USH2A: variants seen among roughly 807,000 people sequenced by gnomAD.
USH2A encodes usherin.
A neutral mutation model predicts 538.9 loss-of-function variants in USH2A; 443 were observed. That is an observed-to-expected ratio of 0.82 (90% CI 0.76 to 0.89). The LOEUF is 0.89. Among genes scored for constraint, USH2A ranks in the 40% least tolerant of loss-of-function variants. USH2A has a pLI of 0.00. For synonymous variants in USH2A, 2,413 were observed against 2,273.5 expected, an observed-to-expected ratio of 1.06 and a Z score of -1.75; for missense variants, 6,633 against 6,324.8, an observed-to-expected ratio of 1.05 and a Z score of -1.65.
intron 32 of USH2A, among the ~76,000 whole-genome samples, chr1:216,010,747 A>C (rs963447434): frequency 1.3e-5 from 2 of 151,612 alleles, no homozygotes; most frequent in Admixed American, 1.3e-4. Context: ...CCACCTGCCC[A>C]GTTCCCTTAT....
intron 40 of USH2A, among the ~76,000 whole-genome samples, chr1:215,899,829 A>G (rs1008094830): frequency 6.6e-6 from 1 of 152,160 alleles, no homozygotes; most frequent in African/African-American, 2.4e-5. Context: ...ATGGGGCCAT[A>G]TCATAATTTA....
intron 48 of USH2A, among the ~76,000 whole-genome samples, 169 bp downstream of exon 48, chr1:215,816,828 C>G (rs903264030): frequency 1.3e-5 from 2 of 152,026 alleles, no homozygotes; most frequent in African/African-American, 4.8e-5. Flanking sequence ...CTAAAGTGCT[C>G]ATGAGGGTGA....
At chr1:216,387,697 A>G (rs769783497) in intron 3 of USH2A, among the ~76,000 whole-genome samples, 3 of 152,206 alleles carry the variant, frequency 2.0e-5, no homozygotes, top group Non-Finnish European at 4.4e-5. Flanking sequence ...CCCTTTATAG[A>G]TCCTCAAACG....
intron 38 of USH2A, among the ~76,000 whole-genome samples, chr1:215,901,909 A>G (rs949248325): frequency 6.6e-5 from 10 of 152,140 alleles, no homozygotes; most frequent in African/African-American, 2.2e-4. Context: ...CTCCGAGCCT[A>G]TATTTTCTGA....
chr1:216,245,975 G>C lies in USH2A; in HGVS notation c.2809+610C>G, dbSNP rs546492202. ...ATGAATTTATTGTAAAGAAGGTATA[G>C]TATTTTAGTTAAAATCTTAAATGTA... On this transcript the variant is annotated intron_variant, in intron 13 of 71. Transcript: ENST00000307340. 5.9e-5 allele frequency among the ~76,000 whole-genome samples: 9 copies of C among 152,282 alleles called. No homozygotes were observed. In the South Asian group the frequency reaches 1.9e-3, roughly 32 times the overall value.
At chr1:216,019,330 C>T (rs780530473) in intron 32 of USH2A, among the ~76,000 whole-genome samples, 6 of 152,046 alleles carry the variant, frequency 3.9e-5, no homozygotes, top group Non-Finnish European at 8.8e-5. Context: ...ACAGGACATA[C>T]GAAAGAAGTG....
chr1:215,811,705 G>A (rs145626768), intron 49 of USH2A, among the ~76,000 whole-genome samples: 1,664 of 152,006 alleles, frequency 0.011, 33 homozygotes, highest in African/African-American at 0.038. Context: ...TTGGGAGTTC[G>A]AGACCACCCT....
intron 48 of USH2A, 78 bp downstream of exon 48, chr1:215,816,919 G>C (rs76394535): frequency 7.2e-7 from 1 of 1,394,248 alleles, no homozygotes; most frequent in Non-Finnish European, 1.0e-6. Context: ...AATACATCAT[G>C]GTGTGAGAAG....
chr1:215,629,332 C>T (rs1656180668), intron 70 of USH2A, among the ~76,000 whole-genome samples: 1 of 152,164 alleles, frequency 6.6e-6, no homozygotes, highest in African/African-American at 2.4e-5. Context: ...CTGTTGTTCC[C>T]TGTGGGGCAA....
chr1:215,885,668 T>C (rs1199957182), intron 41 of USH2A, among the ~76,000 whole-genome samples: 2 of 152,352 alleles, frequency 1.3e-5, no homozygotes, highest in East Asian at 1.9e-4. Flanking sequence ...CTCATATTTA[T>C]ACCAAGTCAT....
intron 63 of USH2A, among the ~76,000 whole-genome samples, chr1:215,673,298 ATT>A (rs1657883555): frequency 2.0e-5 from 3 of 152,188 alleles, no homozygotes; most frequent in Non-Finnish European, 4.4e-5. Context: ...TAATAGCTGA[ATT>A]TTACCTGAGG....
intron 32 of USH2A, among the ~76,000 whole-genome samples, chr1:216,026,949 G>A (rs1452449527): frequency 6.6e-6 from 1 of 152,096 alleles, no homozygotes; most frequent in African/African-American, 2.4e-5. Context: ...AGGCATTCTT[G>A]AAAATATTTT....
intron 61 of USH2A, among the ~76,000 whole-genome samples, chr1:215,688,583 CT>C (rs1419228948): frequency 6.6e-6 from 1 of 152,092 alleles, no homozygotes; most frequent in East Asian, 1.9e-4. Flanking sequence ...GGTTAGAAGT[CT>C]AAGATCAAGG....
chr1:215,794,645 A>G (rs1662075628), intron 50 of USH2A, among the ~76,000 whole-genome samples: 4 of 152,186 alleles, frequency 2.6e-5, no homozygotes, highest in Non-Finnish European at 5.9e-5. Flanking sequence ...TTTCCTTTGT[A>G]AAACTATTAT....
chr1:215,892,898 G>A (rs572783999), intron 40 of USH2A, among the ~76,000 whole-genome samples: 6 of 152,190 alleles, frequency 3.9e-5, no homozygotes, highest in Admixed American at 1.3e-4. Context: ...ACCAATATTC[G>A]GGAACTATTT....
chr1:216,018,324 A>G (rs1668765333), intron 32 of USH2A, among the ~76,000 whole-genome samples: 1 of 151,300 alleles, frequency 6.6e-6, no homozygotes, highest in South Asian at 2.1e-4. Flanking sequence ...GAACGCAGCT[A>G]GTGGCTAAAC....
rs1442311349 is a variant in USH2A, at chr1:216,086,804, C to A, written c.4902G>T (p.Leu1634=). ...TATCTCCAATAACAGTACTACCATT[C>A]AGGATGGCAGAGGAACCTAGAGAAG... The part of the protein sequence containing the change: ...DGIYTGSSAI[L]NGSTVIGDNT... The change falls in exon 24 of 72, where the codon CTG becomes CTT. Residue 1634 remains leucine, a synonymous_variant. Transcript: ENST00000307340. The A allele has an allele frequency of 1.2e-6, 2 of 1,612,648 alleles. No homozygotes were observed. The highest frequency in any genetic ancestry group is 1.7e-6 in the Non-Finnish European group (2 of 1,179,160).
At chr1:215,847,654 A>C (rs1012828965) in intron 44 of USH2A, among the ~76,000 whole-genome samples, 1 of 152,026 alleles carries the variant, frequency 6.6e-6, no homozygotes, top group Non-Finnish European at 1.5e-5. Flanking sequence ...CAGGAAAAAA[A>C]AAAAAAGAAA....
At chr1:216,134,364 T>A (rs1485118119) in intron 21 of USH2A, among the ~76,000 whole-genome samples, 2 of 151,942 alleles carry the variant, frequency 1.3e-5, no homozygotes, top group African/African-American at 4.8e-5. Flanking sequence ...ACACAGAGAC[T>A]AGGAAGACAG....
Sources: gnomAD v4.1 joint callset for allele counts (sites outside exome capture counted in the v4.1 genomes callset) on GRCh38, gnomAD v4.1.1 for gene constraint, MANE v1.5 for transcripts, NCBI Gene and HGNC (gene_info 2026-07-23, HGNC 2026-07-21) for gene names.